LSM5: variants seen among roughly 807,000 people sequenced by gnomAD.
The protein encoded by LSM5 is U6 snRNA-associated Sm-like protein LSm5.
LSM5 carries 8 observed loss-of-function variants against 13.8 expected under a neutral mutation model. The observed-to-expected ratio is 0.58, with a 90% CI of 0.34 to 1.04. The LOEUF (loss-of-function observed/expected upper bound fraction) is 1.04. Among genes scored for constraint, LSM5 ranks in the 50% least tolerant of loss-of-function variants. The pLI is 0.03. For missense variants in LSM5, 80 were observed against 108.1 expected, an observed-to-expected ratio of 0.74 and a Z score of 1.15; for synonymous variants, 35 against 37.0, an observed-to-expected ratio of 0.95 and a Z score of 0.20.
intron 4 of LSM5, 172 bp from the exon 5 acceptor site, chr7:32,487,465 C>G (rs1180686755): frequency 3.0e-6 from 2 of 669,886 alleles, no homozygotes; most frequent in Non-Finnish European, 5.3e-6. Context: ...TACTTACTAT[C>G]TCAACAGCGA....
At chr7:32,493,258 G>A (rs554030948), upstream of LSM5, among the ~76,000 whole-genome samples, 12 of 152,208 alleles carry the variant, frequency 7.9e-5, no homozygotes, top group East Asian at 1.9e-4. Flanking sequence ...TACCACAGGC[G>A]CGTGCTACCA....
At chr7:32,490,532 C>G, upstream of LSM5, 1 of 627,154 alleles carries the variant, frequency 1.6e-6, no homozygotes, top group South Asian at 1.9e-5. Context: ...CAAGTGAGAT[C>G]CGGTGAAATA....
upstream of LSM5, among the ~76,000 whole-genome samples, chr7:32,492,789 C>A (rs1786622822): frequency 6.6e-6 from 1 of 152,086 alleles, no homozygotes; most frequent in African/African-American, 2.4e-5. Context: ...GGATTTTTCT[C>A]CCTTTAAGTC....
At chr7:32,492,218 T>C (rs1241470939), upstream of LSM5, among the ~76,000 whole-genome samples, 1 of 152,180 alleles carries the variant, frequency 6.6e-6, no homozygotes, top group African/African-American at 2.4e-5. Context: ...TGTTATTTGA[T>C]AGAGTTTTTA....
At chr7:32,491,700 GATTA>G (rs371829352), upstream of LSM5, among the ~76,000 whole-genome samples, 32 of 152,324 alleles carry the variant, frequency 2.1e-4, no homozygotes, top group African/African-American at 7.5e-4. Flanking sequence ...TTAATGTGAA[GATTA>G]ATTGAGATAA....
chr7:32,491,177 C>T (rs1271968757), upstream of LSM5, among the ~76,000 whole-genome samples: 1 of 152,130 alleles, frequency 6.6e-6, no homozygotes, highest in Non-Finnish European at 1.5e-5. Context: ...GGGCGGATCA[C>T]CTGAGGTCAG....
rs758939405 is a variant in LSM5 at position 32,487,724 on chromosome 7, T to C, written c.204A>G (p.Lys68=). The change falls in exon 4 of 5, where the codon AAA becomes AAG. Residue 68 remains lysine (K), a synonymous_variant. Coordinates refer to ENST00000450169, the MANE Select transcript of LSM5 (RefSeq NM_012322.3). ...EITPEGRRIT[K]LDQILLNGNN... Reference sequence around the variant, plus strand: ...TTCCATTTAGCAAAATCTGATCTAATTTAGTAATCCTTCTTCCTTCTGGTG... The same window carrying C: ...TTCCATTTAGCAAAATCTGATCTAACTTAGTAATCCTTCTTCCTTCTGGTG... 9.9e-6 allele frequency: 15 copies of C among 1,511,974 alleles called. No homozygotes were observed. The highest frequency in any genetic ancestry group is 1.3e-5 in the Non-Finnish European group (14 of 1,088,012). 93.7% of individuals were successfully genotyped at this position (1,511,974 alleles called of 1,614,324 possible). A position where few individuals can be genotyped will look rare whatever the true frequency, so the allele number is the denominator to read the frequency against.
chr7:32,485,967 A>T lies in LSM5; in HGVS notation c.*1294T>A, dbSNP rs1008119825. ...CAAAAAAAAAAAAAAAAAAAAAAAA[A>T]GGAAAAGAAAACTTTAGACATGCCC... is the stretch of plus-strand genomic sequence containing the variant. On this transcript the variant is annotated 3_prime_UTR_variant, in exon 5 of 5. Transcript: ENST00000450169. 7.1e-6 allele frequency: 1 copy of T among 140,052 alleles called. No individual in the cohort carries two copies. Among genetic ancestry groups the T allele is most frequent in the Non-Finnish European group, 1.6e-5 (1 of 63,696 alleles). 8.7% of individuals were successfully genotyped at this position (140,052 alleles called of 1,614,324 possible). A position where few individuals can be genotyped will look rare whatever the true frequency, so the allele number is the denominator to read the frequency against.
chr7:32,492,079 T>C (rs1246301366), upstream of LSM5, among the ~76,000 whole-genome samples: 2 of 152,218 alleles, frequency 1.3e-5, no homozygotes, highest in African/African-American at 4.8e-5. Flanking sequence ...TTTCTTTCTC[T>C]TTCTCTTTTT....
chr7:32,487,700 T>G lies in LSM5; in HGVS notation c.228A>C (p.Gly76=), dbSNP rs370842093. 6.6e-7 allele frequency: 1 copy of G among 1,517,834 alleles called. No individual in the cohort carries two copies. The highest frequency in any genetic ancestry group is 1.4e-5 in the African/African-American group (1 of 73,038). 94.0% of individuals were successfully genotyped at this position (1,517,834 alleles called of 1,614,324 possible). Residue 76 remains glycine, a synonymous_variant, in exon 4 of 5, where the codon GGA becomes GGC. Transcript: ENST00000450169. ...TGTGTCTTACCATTGTTATATTATTTCCATTTAGCAAAATCTGATCTAATT... is the reference window on the plus strand; with the variant it reads ...TGTGTCTTACCATTGTTATATTATTGCCATTTAGCAAAATCTGATCTAATT... The part of the protein sequence containing the change: ...ITKLDQILLN[G]NNITMLVPGG...
rs567330101 is a variant in LSM5 at position 32,487,153 on chromosome 7, G to A, written c.*108C>T. The A allele has an allele frequency of 7.4e-6, 7 of 951,436 alleles. No homozygotes were observed. The highest frequency in any genetic ancestry group is 5.7e-5 in the South Asian group (4 of 69,814). The allele number at this position is 951,436 out of a possible 1,614,324, so 58.9% of individuals were successfully genotyped here. On this transcript the variant is annotated 3_prime_UTR_variant, in exon 5 of 5. Coordinates refer to ENST00000450169, the MANE Select transcript of LSM5 (RefSeq NM_012322.3). Reference sequence around the variant, plus strand: ...CATCTTCAAAGCACTTCCCTTTAACGGGAAACTTAGCTTTATGGGATTTAA... The same window carrying A: ...CATCTTCAAAGCACTTCCCTTTAACAGGAAACTTAGCTTTATGGGATTTAA...
upstream of LSM5, among the ~76,000 whole-genome samples, chr7:32,492,402 A>G (rs889334741): frequency 1.1e-4 from 16 of 152,146 alleles, no homozygotes; most frequent in African/African-American, 3.6e-4. Flanking sequence ...ACACGCCTGT[A>G]GTCCCAGGTA....
At chr7:32,490,427 G>A, upstream of LSM5, 1 of 1,388,556 alleles carries the variant, frequency 7.2e-7, no homozygotes, top group Non-Finnish European at 1.0e-6. Flanking sequence ...GCGCGCTTCC[G>A]CTTTTTCCGC....
chr7:32,487,827 C>T (rs1390394430), intron 3 of LSM5, 70 bp from the exon 4 acceptor site: 1 of 803,728 alleles, frequency 1.2e-6, no homozygotes, highest in Admixed American at 1.8e-5. Flanking sequence ...GAAATACTTA[C>T]CCTCCCTAAA....
chr7:32,489,086 G>A, intron 2 of LSM5, 163 bp downstream of exon 2: 3 of 562,178 alleles, frequency 5.3e-6, no homozygotes, highest in Non-Finnish European at 9.5e-6. Context: ...GTTGTTGATA[G>A]GAACTTTACC....
At position 32,487,210 on chromosome 7, in the gene LSM5, T is replaced by A. The variant is rs765809779; in HGVS notation, c.*51A>T. The A allele has an allele frequency of 2.6e-6, 4 of 1,551,202 alleles. No homozygotes were observed. Among genetic ancestry groups the A allele is most frequent in the Non-Finnish European group, 3.6e-6 (4 of 1,125,058 alleles). ...GAAAGTGGGAAAAAAAATTCCATTT[T>A]CTTGTCATTATAAGCCAAAACAAAA... On this transcript the variant is annotated 3_prime_UTR_variant, in exon 5 of 5. Coordinates refer to ENST00000450169, the MANE Select transcript of LSM5 (RefSeq NM_012322.3).
chr7:32,492,183 A>G (rs898027841), upstream of LSM5, among the ~76,000 whole-genome samples: 1 of 152,124 alleles, frequency 6.6e-6, no homozygotes, highest in South Asian at 2.1e-4. Context: ...CCATACTGAC[A>G]GTATGGGAGA....
At chr7:32,487,333 AC>A in intron 4 of LSM5, 40 bp from the exon 5 acceptor site, 2 of 1,581,926 alleles carry the variant, frequency 1.3e-6, no homozygotes, top group Non-Finnish European at 1.7e-6. Flanking sequence ...TAACACTACC[AC>A]CATGTCATCT....
At chr7:32,491,203 C>T (rs1786577068), upstream of LSM5, among the ~76,000 whole-genome samples, 1 of 152,138 alleles carries the variant, frequency 6.6e-6, no homozygotes. Flanking sequence ...CGAGACCAGC[C>T]TGGCCAACAT....
Sources: allele counts gnomAD v4.1 joint callset (sites outside exome capture counted in the v4.1 genomes callset), GRCh38; gene constraint gnomAD v4.1.1; transcripts MANE v1.5; gene names NCBI Gene and HGNC (gene_info 2026-07-23, HGNC 2026-07-21).